KAT6B: variants seen among roughly 807,000 people sequenced by gnomAD.
The protein encoded by KAT6B is histone acetyltransferase KAT6B.
KAT6B carries 10 observed loss-of-function variants against 187.5 expected under a neutral mutation model. The ratio of observed to expected loss-of-function variants is 0.05; its 90% CI spans 0.03 to 0.09. The LOEUF (loss-of-function observed/expected upper bound fraction) is 0.09. Among genes scored for constraint, KAT6B ranks in the 10% least tolerant of loss-of-function variants. The pLI, the probability that KAT6B is intolerant of heterozygous loss-of-function variation, is 1.00. For missense variants in KAT6B, 1,952 were observed against 2,558.9 expected, an observed-to-expected ratio of 0.76 and a Z score of 5.12; for synonymous variants, 861 against 926.8, an observed-to-expected ratio of 0.93 and a Z score of 1.29.
intron 3 of KAT6B, among the ~76,000 whole-genome samples, chr10:74,879,065 T>TCA (rs921165360): frequency 3.3e-5 from 5 of 152,160 alleles, no homozygotes; most frequent in African/African-American, 1.2e-4. Flanking sequence ...CGTACAACCA[T>TCA]CACTAGTGGC....
At chr10:74,826,923 A>T (rs1193839275) in intron 1 of KAT6B, 138 bp downstream of exon 1, 1 of 147,612 alleles carries the variant, frequency 6.8e-6, no homozygotes, top group Non-Finnish European at 1.5e-5. Context: ...GCTCGGGGTC[A>T]GGCTGCCCCT....
At chr10:74,848,365 C>T (rs1366254522) in intron 3 of KAT6B, among the ~76,000 whole-genome samples, 1 of 152,014 alleles carries the variant, frequency 6.6e-6, no homozygotes, top group East Asian at 1.9e-4. Flanking sequence ...TGGCTTGCGG[C>T]GTGGTGGCAC....
intron 13 of KAT6B, among the ~76,000 whole-genome samples, chr10:74,989,993 G>A (rs1843025645): frequency 6.6e-6 from 1 of 151,760 alleles, no homozygotes; most frequent in Non-Finnish European, 1.5e-5. Flanking sequence ...TCAAGAGATC[G>A]AGACCATCCT....
chr10:74,972,521 C>G lies in KAT6B; in HGVS notation c.943C>G (p.Gln315Glu). ...SRMPKGMWICQVCRPKKKGRK... is the reference protein window; with the variant it reads ...SRMPKGMWICEVCRPKKKGRK... ...TATTAATTCAGGGATGTGGATTTGC[C>G]AAGTCTGCAGACCAAAGAAAAAGGG... Residue 315 changes from glutamine (Q) to glutamate (E), a missense_variant, in exon 7 of 18, where the codon CAA becomes GAA. Transcript: ENST00000287239. 2.5e-6 allele frequency: 4 copies of G among 1,594,116 alleles called. No individual in the cohort carries two copies. Among genetic ancestry groups the G allele is most frequent in the Non-Finnish European group, 3.4e-6 (4 of 1,165,324 alleles).
chr10:74,977,489 C>T (rs1406049668), intron 9 of KAT6B, 52 bp downstream of exon 9: 2 of 1,597,508 alleles, frequency 1.3e-6, no homozygotes, highest in Admixed American at 3.3e-5. Context: ...TGGCTTCTAA[C>T]TATTAATATG....
rs182310896 is a variant in KAT6B at position 74,942,474 on chromosome 10, A to T, written c.622-17496A>T. Among the ~76,000 whole-genome samples, 824 of 152,208 alleles carry T rather than the reference A, an allele frequency of 5.4e-3. 2 individuals are homozygous for T. The highest frequency in any genetic ancestry group is 8.1e-3 in the Non-Finnish European group (554 of 68,004). Reference sequence around the variant, plus strand: ...AACCTGATAAAAGACATTTATAAAAAGCCATATCTGGCTGGGCATGGTGGC... The same window carrying T: ...AACCTGATAAAAGACATTTATAAAATGCCATATCTGGCTGGGCATGGTGGC... On this transcript the variant is annotated intron_variant, in intron 3 of 17. Coordinates refer to ENST00000287239, the MANE Select transcript of KAT6B (RefSeq NM_012330.4).
At chr10:74,900,160 A>G (rs1589580008) in intron 3 of KAT6B, among the ~76,000 whole-genome samples, 1 of 152,202 alleles carries the variant, frequency 6.6e-6, no homozygotes, top group African/African-American at 2.4e-5. Context: ...CAGTATCACA[A>G]TGAAACATCT....
intron 3 of KAT6B, among the ~76,000 whole-genome samples, chr10:74,941,833 G>A (rs1466930272): frequency 1.3e-5 from 2 of 152,138 alleles, no homozygotes; most frequent in Non-Finnish European, 2.9e-5. Flanking sequence ...TTATGAGATT[G>A]GCTTTGCTTT....
rs537802446 is a variant in KAT6B, at chr10:74,907,845, A to G, written c.622-52125A>G. On this transcript the variant is annotated intron_variant, in intron 3 of 17. Transcript: ENST00000287239. ...GCACCCAGCCATGATGGCTTTTCCA[A>G]TGCAAAACATTGCAATAGTTATTCC... Among the ~76,000 whole-genome samples, 324 of 152,296 alleles carry G rather than the reference A, an allele frequency of 2.1e-3. 1 individual carries two copies. Among genetic ancestry groups the G allele is most frequent in the African/African-American group, 7.4e-3 (308 of 41,560 alleles).
chr10:74,898,676 C>T (rs1846158682), intron 3 of KAT6B, among the ~76,000 whole-genome samples: 1 of 152,166 alleles, frequency 6.6e-6, no homozygotes, highest in African/African-American at 2.4e-5. Context: ...AGAACTTCCA[C>T]TTGGGTGTCC....
intron 3 of KAT6B, among the ~76,000 whole-genome samples, chr10:74,860,421 A>G (rs1564526613): frequency 6.6e-6 from 1 of 152,250 alleles, no homozygotes; most frequent in Non-Finnish European, 1.5e-5. Context: ...TATATACAAT[A>G]TAATTTTGCA....
intron 3 of KAT6B, among the ~76,000 whole-genome samples, chr10:74,861,334 AC>A (rs1843171285): frequency 6.6e-6 from 1 of 152,228 alleles, no homozygotes; most frequent in African/African-American, 2.4e-5. Flanking sequence ...GCTAATACAT[AC>A]AGCTGTTATT....
Position 74,871,417 on chromosome 10 carries a change from T to C in KAT6B, c.621+27939T>C, listed in dbSNP as rs1400446463. 2.0e-5 allele frequency among the ~76,000 whole-genome samples: 3 copies of C among 152,102 alleles called. No individual in the cohort carries two copies. In the East Asian group the frequency reaches 5.8e-4, roughly 29 times the overall value. On this transcript the variant is annotated intron_variant, in intron 3 of 17. Transcript: ENST00000287239. ...CATGTTGGCCAGACTGGTCTCGAAC[T>C]CCTGACCTCAAGTGATCCACCTGCC...
chr10:74,977,852 T>C (rs1313571011), intron 9 of KAT6B, among the ~76,000 whole-genome samples: 3 of 152,242 alleles, frequency 2.0e-5, no homozygotes, highest in Non-Finnish European at 4.4e-5. Flanking sequence ...AAATGTCTCA[T>C]ATTTTTAGCT....
chr10:75,027,241 G>A (rs969818699), intron 17 of KAT6B, among the ~76,000 whole-genome samples: 2 of 152,122 alleles, frequency 1.3e-5, no homozygotes, highest in Admixed American at 1.3e-4. Context: ...CATGGTACTC[G>A]GCACTTCTCA....
intron 3 of KAT6B, among the ~76,000 whole-genome samples, chr10:74,900,015 AAGAG>A (rs551620797): frequency 8.5e-5 from 13 of 152,172 alleles, no homozygotes; most frequent in Non-Finnish European, 1.8e-4. Context: ...CTTCAGAAAA[AAGAG>A]AGGTCAGTAG....
At chr10:74,888,451 G>A (rs1448647495) in intron 3 of KAT6B, among the ~76,000 whole-genome samples, 1 of 152,034 alleles carries the variant, frequency 6.6e-6, no homozygotes, top group African/African-American at 2.4e-5. Context: ...GGCATTGACA[G>A]AAAGGGAACA....
At chr10:75,018,524 T>G (rs900984020) in intron 13 of KAT6B, among the ~76,000 whole-genome samples, 2 of 152,208 alleles carry the variant, frequency 1.3e-5, no homozygotes, top group African/African-American at 4.8e-5. Context: ...TGTGAAAGCA[T>G]GAACAGCTGC....
chr10:74,942,988 A>G (rs1352272619), intron 3 of KAT6B, among the ~76,000 whole-genome samples: 4 of 152,148 alleles, frequency 2.6e-5, no homozygotes, highest in Non-Finnish European at 5.9e-5. Context: ...ATTAAGTATT[A>G]ATGATAATAC....
Sources: allele counts gnomAD v4.1 joint callset (sites outside exome capture counted in the v4.1 genomes callset), GRCh38; gene constraint gnomAD v4.1.1; transcripts MANE v1.5; gene names NCBI Gene and HGNC (gene_info 2026-07-23, HGNC 2026-07-21).